The following NKX1-2 variants were observed in gnomAD, a reference collection of about 807,000 sequenced individuals.
The protein encoded by NKX1-2 is NK1 transcription factor-related protein 2.
Under a neutral mutation model 4.4 loss-of-function variants are expected in NKX1-2, and 1 was observed. The observed-to-expected ratio is 0.23, with a 90% confidence interval of 0.08 to 1.08. NKX1-2 has a LOEUF of 1.08. Among genes scored for constraint, NKX1-2 ranks in the 50% least tolerant of loss-of-function variants. The probability of loss-of-function intolerance (pLI) is 0.55; values close to 1 mark genes in which losing one functional copy is unlikely to be tolerated. For missense variants in NKX1-2, 503 were observed against 464.6 expected, an observed-to-expected ratio of 1.08 and a Z score of -0.76; for synonymous variants, 235 against 228.0, an observed-to-expected ratio of 1.03 and a Z score of -0.28.
In NKX1-2 at chr10:124,449,549, G is replaced by C; in HGVS notation, c.214+181C>G. The C allele has an allele frequency of 1.4e-6, 1 of 702,804 alleles. No homozygotes were observed. Among genetic ancestry groups the C allele is most frequent in the Non-Finnish European group, 2.6e-6 (1 of 386,164 alleles). 43.5% of individuals were successfully genotyped at this position (702,804 alleles called of 1,614,324 possible). ...GCAAATCCCTGCCCTGTAATGCGGG[G>C]AGCCTCCTCTCTGCCTCTATCCAAG... On this transcript the variant is annotated intron_variant, in intron 1 of 1. Coordinates refer to ENST00000451024, the MANE Select transcript of NKX1-2 (RefSeq NM_001146340.3). The surrounding 1 kb of genome is among the most constrained non-coding windows in gnomAD (Gnocchi z 7.5).
chr10:124,446,677 T>C lies in NKX1-2; in HGVS notation c.*752A>G, dbSNP rs931102499. The C allele has an allele frequency of 6.6e-6, 1 of 152,242 alleles. No homozygotes were observed. The highest frequency in any genetic ancestry group is 1.5e-5 in the Non-Finnish European group (1 of 68,054). The allele number at this position is 152,242 out of a possible 1,614,324, so 9.4% of individuals were successfully genotyped here. On this transcript the variant is annotated 3_prime_UTR_variant, in exon 2 of 2. Coordinates refer to ENST00000451024, the MANE Select transcript of NKX1-2 (RefSeq NM_001146340.3). Reference sequence around the variant, plus strand: ...TTTGGTCCAGGCTGTTCTCAAAACCTGCAGTGCAACAGACCCGTGTCTACT... The same window carrying C: ...TTTGGTCCAGGCTGTTCTCAAAACCCGCAGTGCAACAGACCCGTGTCTACT...
chr10:124,448,277 CCTT>C lies in NKX1-2; in HGVS notation c.215-133_215-131del. On this transcript the variant is annotated intron_variant, in intron 1 of 1. Transcript: ENST00000451024. This position sits in a 1 kb window ranked among gnomAD's most constrained non-coding sequence, Gnocchi z 4.1. The stretch of plus-strand genomic sequence containing the variant: ...TGCTCCTGTCCCCACATCGCGCTCC[CCTT>C]AGGCCGGACTACACATCCTCGCCAG... The C allele has an allele frequency of 7.7e-7, 1 of 1,290,602 alleles. No homozygotes were observed. The highest frequency in any genetic ancestry group is 2.4e-5 in the South Asian group (1 of 41,676). 79.9% of individuals were successfully genotyped at this position (1,290,602 alleles called of 1,614,324 possible). A position where few individuals can be genotyped will look rare whatever the true frequency, so the allele number is the denominator to read the frequency against.
Position 124,448,858 on chromosome 10 carries a change from C to A in NKX1-2, c.215-711G>T, listed in dbSNP as rs1400496739. Among the ~76,000 whole-genome samples the A allele has an allele frequency of 6.6e-6, 1 of 152,170 alleles. No individual in the cohort carries two copies. Among genetic ancestry groups the A allele is most frequent in the Admixed American group, 6.5e-5 (1 of 15,290 alleles). ...AGAGAAGATCCGAACAATTACCAGG[C>A]CGCCTGCCTGGGCCCAAGTGCGGCC... On this transcript the variant is annotated intron_variant, in intron 1 of 1. Transcript: ENST00000451024. The surrounding 1 kb of genome is among the most constrained non-coding windows in gnomAD (Gnocchi z 4.1).
rs1478136175 is a variant in NKX1-2 at position 124,448,015 on chromosome 10, C to A, written c.347G>T (p.Arg116Leu). The part of the protein sequence containing the change: ...RAARLLPGLA[R>L]SPDAPAGALA... ...TGCCCCGGCCGGGGCGTCAGGTGAGCGCGCTAGGCCCGGCAGCAAGCGCGC... is the reference window on the plus strand; with the variant it reads ...TGCCCCGGCCGGGGCGTCAGGTGAGAGCGCTAGGCCCGGCAGCAAGCGCGC... Residue 116 changes from arginine (R) to leucine (L), a missense_variant, in exon 2 of 2, where the codon CGC becomes CTC. Physicochemically the swap from Arg to Leu is moderately radical, Grantham distance 102. Transcript: ENST00000451024. This position sits in a 1 kb window ranked among gnomAD's most constrained non-coding sequence, Gnocchi z 4.1. 1 of 1,503,664 alleles carries A rather than the reference C, an allele frequency of 6.7e-7. No homozygotes were observed. Among genetic ancestry groups the A allele is most frequent in the Non-Finnish European group, 8.8e-7 (1 of 1,132,464 alleles). The allele number at this position is 1,503,664 out of a possible 1,614,324, so 93.1% of individuals were successfully genotyped here.
At position 124,448,884 on chromosome 10, in the gene NKX1-2, G is replaced by T. The variant is rs1445093720; in HGVS notation, c.215-737C>A. On this transcript the variant is annotated intron_variant, in intron 1 of 1. Coordinates refer to ENST00000451024, the MANE Select transcript of NKX1-2 (RefSeq NM_001146340.3). The surrounding 1 kb of genome is among the most constrained non-coding windows in gnomAD (Gnocchi z 4.1). Reference sequence around the variant, plus strand: ...CGCCTGCCTGGGCCCAAGTGCGGCCGCCAGAGGCGCCCCGGGCCCCAGGCA... The same window carrying T: ...CGCCTGCCTGGGCCCAAGTGCGGCCTCCAGAGGCGCCCCGGGCCCCAGGCA... 6.6e-6 allele frequency among the ~76,000 whole-genome samples: 1 copy of T among 152,142 alleles called. No homozygotes were observed. Among genetic ancestry groups the T allele is most frequent in the African/African-American group, 2.4e-5 (1 of 41,428 alleles).
In NKX1-2 at chr10:124,447,784, C is replaced by G; in HGVS notation, c.578G>C (p.Arg193Pro). The change falls in exon 2 of 2, where the codon CGC becomes CCC. Residue 193 changes from arginine (R) to proline (P), a missense_variant. Physicochemically the swap from Arg to Pro is moderately radical, Grantham distance 103. Coordinates refer to ENST00000451024, the MANE Select transcript of NKX1-2 (RefSeq NM_001146340.3). ...GCTGAGAGACAGCGCGAGGTTCAGG[C>G]GCTCGCACACTGACAGGTAGCGCGT... ...RATRYLSVCE[R>P]LNLALSLSLT... The G allele has an allele frequency of 6.8e-7, 1 of 1,481,314 alleles. No individual in the cohort carries two copies. Among genetic ancestry groups the G allele is most frequent in the South Asian group, 1.3e-5 (1 of 76,490 alleles). The allele number at this position is 1,481,314 out of a possible 1,614,324, so 91.8% of individuals were successfully genotyped here.
chr10:124,448,235 A>C lies in NKX1-2; in HGVS notation c.215-88T>G. ...CCCTAGAGCAAGCAGCTGTCCCCCCAACCCAACTCTGGGTGCTGCTCCTGT... is the reference window on the plus strand; with the variant it reads ...CCCTAGAGCAAGCAGCTGTCCCCCCCACCCAACTCTGGGTGCTGCTCCTGT... On this transcript the variant is annotated intron_variant, in intron 1 of 1. Transcript: ENST00000451024. This position sits in a 1 kb window ranked among gnomAD's most constrained non-coding sequence, Gnocchi z 4.1. The C allele has an allele frequency of 1.5e-6, 2 of 1,345,700 alleles. No individual in the cohort carries two copies. The highest frequency in any genetic ancestry group is 3.6e-5 in the South Asian group (2 of 54,956). The allele number at this position is 1,345,700 out of a possible 1,614,324, so 83.4% of individuals were successfully genotyped here. A position where few individuals can be genotyped will look rare whatever the true frequency, so the allele number is the denominator to read the frequency against.
At position 124,447,325 on chromosome 10, in the gene NKX1-2, G is replaced by GCGGCGTCTCCGGC; in HGVS notation, c.*103_*104insGCCGGAGACGCCG. ...GCGGGTGCGCGCGGCGGGCAGGGGT[G>GCGGCGTCTCCGGC]CGCTGACACCCGCGCACCTGCACCC... On this transcript the variant is annotated 3_prime_UTR_variant, in exon 2 of 2. Transcript: ENST00000451024. The GCGGCGTCTCCGGC allele has an allele frequency of 2.3e-6, 2 of 865,134 alleles. No individual in the cohort carries two copies. Among genetic ancestry groups the GCGGCGTCTCCGGC allele is most frequent in the Non-Finnish European group, 3.1e-6 (2 of 648,830 alleles). The allele number at this position is 865,134 out of a possible 1,614,324, so 53.6% of individuals were successfully genotyped here. A position where few individuals can be genotyped will look rare whatever the true frequency, so the allele number is the denominator to read the frequency against.
Position 124,447,642 on chromosome 10 carries a change from C to T in NKX1-2, c.720G>A (p.Ala240=). 1 of 1,306,336 alleles carries T rather than the reference C, an allele frequency of 7.7e-7. No individual in the cohort carries two copies. The allele number at this position is 1,306,336 out of a possible 1,614,324, so 80.9% of individuals were successfully genotyped here. The change falls in exon 2 of 2, where the codon GCG becomes GCA. Residue 240 remains alanine, a synonymous_variant. Coordinates refer to ENST00000451024, the MANE Select transcript of NKX1-2 (RefSeq NM_001146340.3). ...AGCCGCCGCCGCCGCCGCCCCCCGC[C>T]GCCCCTGGCTGGGGCGCGCCACCCC... ...QVGGGAPQPG[A]AGGGGGGGSG... is the part of the protein sequence containing the mutation.
rs946442002 is a variant in NKX1-2, at chr10:124,448,306, C to T, written c.215-159G>A. The T allele has an allele frequency of 1.4e-5, 17 of 1,210,772 alleles. No homozygotes were observed. In the South Asian group the frequency reaches 3.0e-4, roughly 21 times the overall value. The allele number at this position is 1,210,772 out of a possible 1,614,324, so 75.0% of individuals were successfully genotyped here. On this transcript the variant is annotated intron_variant, in intron 1 of 1. Transcript: ENST00000451024. The surrounding 1 kb of genome is among the most constrained non-coding windows in gnomAD (Gnocchi z 4.1). Reference sequence around the variant, plus strand: ...AGGCCGGACTACACATCCTCGCCAGCGGGTTTAGGGGAATGGTGTCCTCTT... The same window carrying T: ...AGGCCGGACTACACATCCTCGCCAGTGGGTTTAGGGGAATGGTGTCCTCTT...
At position 124,447,543 on chromosome 10, in the gene NKX1-2, A is replaced by G. The variant is rs7075981; in HGVS notation, c.819T>C (p.Asn273=). ...FQTFPSYSAA[N]VLFPSAASFP... ...AGGAGGCGGCGGACGGGAAGAGGAC[A>G]TTGGCCGCGGAGTAGGAGGGGAAAG... Residue 273 remains asparagine (N), a synonymous_variant, in exon 2 of 2, where the codon AAT becomes AAC. Transcript: ENST00000451024. 195,664 of 1,274,654 alleles carry G rather than the reference A, an allele frequency of 0.15. 15,729 individuals carry two copies. The highest frequency in any genetic ancestry group is 0.29 in the African/African-American group (18,631 of 64,700). The allele number at this position is 1,274,654 out of a possible 1,614,324, so 79.0% of individuals were successfully genotyped here.
At position 124,447,524 on chromosome 10, in the gene NKX1-2, C is replaced by T. The variant is rs1460964404; in HGVS notation, c.838G>A (p.Ala280Thr). 3.9e-6 allele frequency: 5 copies of T among 1,273,692 alleles called. No homozygotes were observed. The highest frequency in any genetic ancestry group is 4.1e-5 in the Admixed American group (1 of 24,382). The allele number at this position is 1,273,692 out of a possible 1,614,324, so 78.9% of individuals were successfully genotyped here. A position where few individuals can be genotyped will look rare whatever the true frequency, so the allele number is the denominator to read the frequency against. ...SAANVLFPSA[A>T]SFPLTAAAPG... ...GCGGCAGCCGTCAGCGGGAAGGAGG[C>T]GGCGGACGGGAAGAGGACATTGGCC... Residue 280 changes from alanine (A) to threonine (T), a missense_variant, in exon 2 of 2, where the codon GCC (alanine) becomes ACC (threonine). Coordinates refer to ENST00000451024, the MANE Select transcript of NKX1-2 (RefSeq NM_001146340.3).
Position 124,449,814 on chromosome 10 carries a change from G to C in NKX1-2, c.130C>G (p.Arg44Gly). 6.4e-7 allele frequency: 1 copy of C among 1,551,652 alleles called. No individual in the cohort carries two copies. The highest frequency in any genetic ancestry group is 8.7e-7 in the Non-Finnish European group (1 of 1,146,958). The change falls in exon 1 of 2, where the codon CGG becomes GGG. Residue 44 changes from arginine to glycine, a missense_variant. Physicochemically the swap from Arg to Gly is moderately radical, Grantham distance 125. Transcript: ENST00000451024. This position sits in a 1 kb window ranked among gnomAD's most constrained non-coding sequence, Gnocchi z 7.5. ...TCCGCCAAACTTTTCCTGGCTTCCC[G>C]GGGAGCCGGGCGCACGGCAGGGAGC... ...AALPAVRPAP[R>G]EARKSLAEVE...
Position 124,449,845 on chromosome 10 carries a change from G to T in NKX1-2, c.99C>A (p.Arg33=). Reference sequence around the variant, plus strand: ...CCGGGCGCACGGCAGGGAGCGCTGCGCGGGTGAATTTCTGTGGGTCCAGGA... The same window carrying T: ...CCGGGCGCACGGCAGGGAGCGCTGCTCGGGTGAATTTCTGTGGGTCCAGGA... ...LDILDPQKFT[R]AALPAVRPAP... is the part of the protein sequence containing the mutation. The change falls in exon 1 of 2, where the codon CGC becomes CGA. Residue 33 remains arginine (R), a synonymous_variant. Transcript: ENST00000451024. This position sits in a 1 kb window ranked among gnomAD's most constrained non-coding sequence, Gnocchi z 7.5. 2 of 1,551,664 alleles carry T rather than the reference G, an allele frequency of 1.3e-6. No homozygotes were observed. Among genetic ancestry groups the T allele is most frequent in the Non-Finnish European group, 1.7e-6 (2 of 1,146,948 alleles).
Position 124,449,189 on chromosome 10 carries a change from G to A in NKX1-2, c.214+541C>T, listed in dbSNP as rs564930671. Among the ~76,000 whole-genome samples the A allele has an allele frequency of 6.6e-6, 1 of 152,364 alleles. No individual in the cohort carries two copies. The highest frequency in any genetic ancestry group is 1.9e-4 in the East Asian group (1 of 5,186). ...GCCCCCAGCCCAGTCCCAGTTAACA[G>A]TTGAGTCTGGGGAGCTTGAGCGCCT... On this transcript the variant is annotated intron_variant, in intron 1 of 1. Coordinates refer to ENST00000451024, the MANE Select transcript of NKX1-2 (RefSeq NM_001146340.3). This position sits in a 1 kb window ranked among gnomAD's most constrained non-coding sequence, Gnocchi z 7.5.
rs1952263390 is a variant in NKX1-2 at position 124,448,086 on chromosome 10, C to T, written c.276G>A (p.Glu92=). The T allele has an allele frequency of 1.3e-6, 2 of 1,521,376 alleles. No individual in the cohort carries two copies. Among genetic ancestry groups the T allele is most frequent in the Admixed American group, 2.0e-5 (1 of 49,950 alleles). 94.2% of individuals were successfully genotyped at this position (1,521,376 alleles called of 1,614,324 possible). Residue 92 remains glutamate, a synonymous_variant, in exon 2 of 2, where the codon GAG becomes GAA. Coordinates refer to ENST00000451024, the MANE Select transcript of NKX1-2 (RefSeq NM_001146340.3). The surrounding 1 kb of genome is among the most constrained non-coding windows in gnomAD (Gnocchi z 4.1). ...GCCTCCTCGGATCCTCCGCATCCTC[C>T]TCCTCTTCCGCCTCGGAACCCTCCA... ...SPLEGSEAEE[E]EDAEDPRRPR... is the part of the protein sequence containing the mutation.
chr10:124,450,011 G>A lies in NKX1-2; in HGVS notation c.-68C>T. ...GATGGCGCCGCTCGGGCTTGCCTTC[G>A]GCTGTGGCTTGGCGGTAGCTTTCCA... On this transcript the variant is annotated 5_prime_UTR_variant, in exon 1 of 2. Transcript: ENST00000451024. 2 of 1,256,638 alleles carry A rather than the reference G, an allele frequency of 1.6e-6. No homozygotes were observed. The highest frequency in any genetic ancestry group is 2.1e-6 in the Non-Finnish European group (2 of 937,292). 77.8% of individuals were successfully genotyped at this position (1,256,638 alleles called of 1,614,324 possible).
Position 124,449,765 on chromosome 10 carries a change from C to G in NKX1-2, c.179G>C (p.Ser60Thr), listed in dbSNP as rs1952278541. 8.4e-6 allele frequency: 13 copies of G among 1,551,656 alleles called. No individual in the cohort carries two copies. Among genetic ancestry groups the G allele is most frequent in the Non-Finnish European group, 1.1e-5 (13 of 1,146,960 alleles). ...CAGCTGTCGGACAGGGTCCCTGGAG[C>G]TGGCATCTTTCCCCGCTTCGACCTC... ...LAEVEAGKDA[S>T]SRDPVRQLET... The change falls in exon 1 of 2, where the codon AGC (serine) becomes ACC (threonine). Residue 60 changes from serine (S) to threonine (T), a missense_variant. By Grantham distance (58) the Ser-to-Thr change is moderately conservative (BLOSUM62 1). Transcript: ENST00000451024. This position sits in a 1 kb window ranked among gnomAD's most constrained non-coding sequence, Gnocchi z 7.5.
Position 124,445,715 on chromosome 10 carries a change from T to C in NKX1-2, c.*1714A>G, listed in dbSNP as rs1212932123. ...CCAACTGTCTTTTAGAAAGTTACAATGTGTTGTTTGGGGGACATTCTTCTT... is the reference window on the plus strand; with the variant it reads ...CCAACTGTCTTTTAGAAAGTTACAACGTGTTGTTTGGGGGACATTCTTCTT... On this transcript the variant is annotated 3_prime_UTR_variant, in exon 2 of 2. Transcript: ENST00000451024. 2 of 152,210 alleles carry C rather than the reference T, an allele frequency of 1.3e-5. No individual in the cohort carries two copies. The highest frequency in any genetic ancestry group is 2.1e-4 in the South Asian group (1 of 4,834). 9.4% of individuals were successfully genotyped at this position (152,210 alleles called of 1,614,324 possible).
Sources: gnomAD v4.1 joint callset for allele counts (sites outside exome capture counted in the v4.1 genomes callset) on GRCh38, gnomAD v4.1.1 for gene constraint, Gnocchi (gnomAD v3.1) non-coding constraint, MANE v1.5 for transcripts, NCBI Gene and HGNC (gene_info 2026-07-23, HGNC 2026-07-21) for gene names.